Variants in MYT1L observed in about 807,000 individuals in gnomAD.
MYT1L encodes the protein myelin transcription factor 1-like protein.
A neutral mutation model predicts 126.7 loss-of-function variants in MYT1L; 12 were observed. That is an observed-to-expected ratio of 0.09 (90% CI 0.06 to 0.15). The LOEUF is 0.15. MYT1L is among the 10% of genes least tolerant of loss of function. The pLI, the probability that MYT1L is intolerant of heterozygous loss-of-function variation, is 1.00. For missense variants in MYT1L, 979 were observed against 1,585.2 expected (o/e 0.62, Z 6.49); for synonymous variants, 541 against 604.2 (o/e 0.90, Z 1.53).
In MYT1L at chr2:1,929,515, C is replaced by CA. The variant is rs2054672853; in HGVS notation, c.506-6253dup. Among the ~76,000 whole-genome samples the CA allele has an allele frequency of 6.6e-6, 1 of 152,228 alleles. No individual in the cohort carries two copies. Among genetic ancestry groups the CA allele is most frequent in the South Asian group, 2.1e-4 (1 of 4,832 alleles). On this transcript the variant is annotated intron_variant, in intron 9 of 24. Coordinates refer to ENST00000647738, the MANE Select transcript of MYT1L (RefSeq NM_001303052.2). The surrounding 1 kb of genome is among the most constrained non-coding windows in gnomAD (Gnocchi z 4.7). ...CTGGCTCCGCTCTAGCCATCACCGT[C>CA]ACGCTTCCCTACTACATCTAACTCA...
At chr2:2,103,817 G>T (rs2078411319) in intron 3 of MYT1L, among the ~76,000 whole-genome samples, 1 of 152,224 alleles carries the variant, frequency 6.6e-6, no homozygotes, top group African/African-American at 2.4e-5. Flanking sequence ...TGTCATGTCA[G>T]ATTTGGGTGA....
At chr2:2,002,713 T>C (rs968699887) in intron 4 of MYT1L, among the ~76,000 whole-genome samples, 6 of 152,170 alleles carry the variant, frequency 3.9e-5, no homozygotes, top group African/African-American at 1.4e-4. Context: ...AATTGTAATC[T>C]TGAATTGTAA....
chr2:2,155,675 C>T (rs2086607960), intron 3 of MYT1L, among the ~76,000 whole-genome samples: 1 of 152,186 alleles, frequency 6.6e-6, no homozygotes, highest in African/African-American at 2.4e-5. Context: ...ATGCCCCAGA[C>T]ACAAGGTTAC....
At chr2:1,886,263 A>G (rs1031921304) in intron 18 of MYT1L, 2 of 331,888 alleles carry the variant, frequency 6.0e-6, no homozygotes, top group Non-Finnish European at 5.4e-6. Context: ...ATATGCATGC[A>G]TATCTGAAGA....
chr2:2,077,186 T>C (rs962348289), intron 3 of MYT1L, among the ~76,000 whole-genome samples: 3 of 152,060 alleles, frequency 2.0e-5, no homozygotes, highest in Admixed American at 1.3e-4. Flanking sequence ...GAAATGAAGA[T>C]AGCCTTACAG....
At chr2:2,122,194 C>G (rs2081111500) in intron 3 of MYT1L, among the ~76,000 whole-genome samples, 1 of 152,270 alleles carries the variant, frequency 6.6e-6, no homozygotes, top group East Asian at 1.9e-4. Context: ...GGCACCGGCT[C>G]CAGACTGTCT....
chr2:1,947,754 A>G (rs572211075), intron 8 of MYT1L, among the ~76,000 whole-genome samples: 1 of 152,366 alleles, frequency 6.6e-6, no homozygotes, highest in African/African-American at 2.4e-5. Flanking sequence ...TGATCAAGAT[A>G]GTTGGAGAAG....
At position 1,979,917 on chromosome 2, in the gene MYT1L, G is replaced by C. The variant is rs1231218891; in HGVS notation, c.1-140C>G. 2.5e-6 allele frequency: 2 copies of C among 797,866 alleles called. No individual in the cohort carries two copies. The highest frequency in any genetic ancestry group is 4.2e-6 in the Non-Finnish European group (2 of 479,948). The allele number at this position is 797,866 out of a possible 1,614,324, so 49.4% of individuals were successfully genotyped here. A position where few individuals can be genotyped will look rare whatever the true frequency, so the allele number is the denominator to read the frequency against. On this transcript the variant is annotated intron_variant, in intron 5 of 24. Transcript: ENST00000647738. The surrounding 1 kb of genome is among the most constrained non-coding windows in gnomAD (Gnocchi z 4.0). Reference sequence around the variant, plus strand: ...CCATGAAGGGAAGCCCTCTACAAGGGCAGGGGGTAAGACCAGGCAATCTAA... The same window carrying C: ...CCATGAAGGGAAGCCCTCTACAAGGCCAGGGGGTAAGACCAGGCAATCTAA...
At position 1,792,483 on chromosome 2, in the gene MYT1L, C is replaced by A. The variant is rs754873838; in HGVS notation, c.3277-19G>T. ...TGGTAATCTGAAACGCACAAGTGTGCGTGACATGTAACACCAGGAGGACCT... is the reference window on the plus strand; with the variant it reads ...TGGTAATCTGAAACGCACAAGTGTGAGTGACATGTAACACCAGGAGGACCT... On this transcript the variant is annotated intron_variant, in intron 23 of 24. Coordinates refer to ENST00000647738, the MANE Select transcript of MYT1L (RefSeq NM_001303052.2). 3.7e-6 allele frequency: 6 copies of A among 1,607,204 alleles called. No individual in the cohort carries two copies. Among genetic ancestry groups the A allele is most frequent in the Non-Finnish European group, 5.1e-6 (6 of 1,175,236 alleles).
chr2:1,975,266 A>ATCCCACCGCCAGATCCCACTGCCAGT (rs1167578676), intron 8 of MYT1L, among the ~76,000 whole-genome samples: 3 of 152,194 alleles, frequency 2.0e-5, no homozygotes, highest in African/African-American at 7.2e-5. Flanking sequence ...CCACTGCCAG[A>ATCCCACCGCCAGATCCCACTGCCAGT]TCCCACAGCT....
At chr2:2,109,799 C>T (rs868567888) in intron 3 of MYT1L, among the ~76,000 whole-genome samples, 1 of 147,952 alleles carries the variant, frequency 6.8e-6, no homozygotes, top group Non-Finnish European at 1.5e-5. Context: ...CACACACATG[C>T]ACATGCACAC....
At chr2:2,290,381 C>A (rs967575099) in intron 1 of MYT1L, among the ~76,000 whole-genome samples, 2 of 152,194 alleles carry the variant, frequency 1.3e-5, no homozygotes, top group Non-Finnish European at 2.9e-5. Flanking sequence ...CGCTGGATGA[C>A]CTCATCTCGA....
intron 2 of MYT1L, among the ~76,000 whole-genome samples, chr2:2,208,442 C>T (rs2093389895): frequency 1.3e-5 from 2 of 152,132 alleles, no homozygotes; most frequent in Admixed American, 1.3e-4. Context: ...GTCCCACCCT[C>T]ATGTGCAAGC....
At chr2:2,192,525 A>G (rs2092640180) in intron 2 of MYT1L, among the ~76,000 whole-genome samples, 1 of 152,132 alleles carries the variant, frequency 6.6e-6, no homozygotes, top group Non-Finnish European at 1.5e-5. Context: ...CAGTGCGTAC[A>G]ATACGGAGAG....
At chr2:2,168,928 AC>A (rs35586758) in intron 3 of MYT1L, among the ~76,000 whole-genome samples, 1 of 152,354 alleles carries the variant, frequency 6.6e-6, no homozygotes, top group East Asian at 1.9e-4. Flanking sequence ...CTGAAGGGGA[AC>A]CTGGTACCTC....
chr2:1,999,425 G>C (rs2062158004), intron 4 of MYT1L, among the ~76,000 whole-genome samples: 1 of 152,130 alleles, frequency 6.6e-6, no homozygotes, highest in African/African-American at 2.4e-5. Context: ...TCAAGGCAAG[G>C]TGGAGAGAAA....
Position 2,004,560 on chromosome 2 carries a change from T to C in MYT1L, c.-157-7213A>G, listed in dbSNP as rs1391673160. ...TTTCCTGCATGCGTTCTTTCCTGCG[T>C]GCCTTCTCTTCTGCAGGCGTTCTTT... On this transcript the variant is annotated intron_variant, in intron 4 of 24. Transcript: ENST00000647738. Among the ~76,000 whole-genome samples the C allele has an allele frequency of 2.0e-5, 3 of 148,398 alleles. 1 individual carries two copies. The highest frequency in any genetic ancestry group is 7.5e-5 in the African/African-American group (3 of 39,900).
chr2:2,188,067 C>T (rs1368682382), intron 2 of MYT1L, among the ~76,000 whole-genome samples: 1 of 152,120 alleles, frequency 6.6e-6, no homozygotes, highest in Non-Finnish European at 1.5e-5. Flanking sequence ...CAAGCTCTAA[C>T]ATCTTTGAAT....
At chr2:2,244,405 C>T (rs1189194174) in intron 2 of MYT1L, among the ~76,000 whole-genome samples, 2 of 152,132 alleles carry the variant, frequency 1.3e-5, no homozygotes, top group East Asian at 3.9e-4. Flanking sequence ...GTGCCTCCCA[C>T]AGTGCTTTAT....
Sources: allele counts gnomAD v4.1 joint callset (sites outside exome capture counted in the v4.1 genomes callset), GRCh38; gene constraint gnomAD v4.1.1; non-coding constraint Gnocchi (gnomAD v3.1); transcripts MANE v1.5; gene names NCBI Gene and HGNC (gene_info 2026-07-23, HGNC 2026-07-21).